The following CALB1 variants were observed in gnomAD, a reference collection of about 807,000 sequenced individuals.
The protein encoded by CALB1 is calbindin 1, also known as calbindin.
Under a neutral mutation model 46.7 loss-of-function variants are expected in CALB1, and 16 were observed. The ratio of observed to expected loss-of-function variants is 0.34; its 90% CI spans 0.23 to 0.52. CALB1 has a LOEUF of 0.52. Ranked by LOEUF, CALB1 falls within the 20% of genes least tolerant of loss-of-function variation. CALB1 has a pLI of 0.95. For synonymous variants in CALB1, 90 were observed against 112.8 expected, an observed-to-expected ratio of 0.80 and a Z score of 1.28; for missense variants, 224 against 300.3, an observed-to-expected ratio of 0.75 and a Z score of 1.88.
intron 5 of CALB1, among the ~76,000 whole-genome samples, chr8:90,068,091 A>T (rs1814432923): frequency 6.6e-6 from 1 of 152,176 alleles, no homozygotes. Context: ...AAATGAGAAG[A>T]ATACTTCCAT....
chr8:90,064,594 T>G (rs1785017566), intron 6 of CALB1: 1 of 151,826 alleles, frequency 6.6e-6, no homozygotes, highest in African/African-American at 2.4e-5. Context: ...AAAGGAGCCT[T>G]TCTTTAAATA....
chr8:90,082,190 G>T, intron 1 of CALB1, 88 bp from the exon 2 acceptor site: 1 of 1,144,844 alleles, frequency 8.7e-7, no homozygotes, highest in Non-Finnish European at 1.3e-6. Flanking sequence ...TCTTTCTGGC[G>T]ACCCGAGAGG....
At chr8:90,080,802 G>T (rs1296888736) in intron 2 of CALB1, among the ~76,000 whole-genome samples, 1 of 151,940 alleles carries the variant, frequency 6.6e-6, no homozygotes, top group Non-Finnish European at 1.5e-5. Context: ...TTTTGAATAT[G>T]CTGTACAGAA....
intron 2 of CALB1, among the ~76,000 whole-genome samples, chr8:90,080,479 T>G (rs1162224400): frequency 6.6e-6 from 1 of 151,992 alleles, no homozygotes; most frequent in East Asian, 1.9e-4. Context: ...TCCAACCTGA[T>G]TTTAAAATAT....
intron 3 of CALB1, among the ~76,000 whole-genome samples, chr8:90,071,529 T>C (rs1296571018): frequency 6.6e-6 from 1 of 152,052 alleles, no homozygotes; most frequent in African/African-American, 2.4e-5. Context: ...TAATAATACT[T>C]TCCTGGAGGG....
chr8:90,082,322 A>G, intron 1 of CALB1: 1 of 603,884 alleles, frequency 1.7e-6, no homozygotes, highest in Non-Finnish European at 2.9e-6. Flanking sequence ...TGCTAAGCGC[A>G]GCCACAGAAA....
intron 3 of CALB1, among the ~76,000 whole-genome samples, chr8:90,077,847 T>C (rs985338088): frequency 6.6e-6 from 1 of 152,142 alleles, no homozygotes; most frequent in African/African-American, 2.4e-5. Context: ...TAAATTATTC[T>C]GTTTTTACGA....
chr8:90,079,801 A>G (rs1238402379), intron 2 of CALB1, among the ~76,000 whole-genome samples: 1 of 152,024 alleles, frequency 6.6e-6, no homozygotes, highest in Non-Finnish European at 1.5e-5. Context: ...GTTATATTTA[A>G]TTAATGTTAT....
chr8:90,067,979 TAGTC>T (rs1456095407), intron 5 of CALB1, among the ~76,000 whole-genome samples: 7 of 152,292 alleles, frequency 4.6e-5, no homozygotes, highest in Admixed American at 2.0e-4. Flanking sequence ...GCCTGACAGA[TAGTC>T]AGTAAATATT....
chr8:90,077,899 A>T (rs1299947208), intron 3 of CALB1, among the ~76,000 whole-genome samples: 1 of 152,114 alleles, frequency 6.6e-6, no homozygotes, highest in African/African-American at 2.4e-5. Context: ...TGCCATGAAA[A>T]ATAAGGACTG....
At chr8:90,061,639 G>A (rs1484743279) in intron 9 of CALB1, 1 of 151,878 alleles carries the variant, frequency 6.6e-6, no homozygotes, top group Non-Finnish European at 1.5e-5. Context: ...AAATACTTAG[G>A]AATAAAGTTA....
intron 3 of CALB1, among the ~76,000 whole-genome samples, chr8:90,071,299 A>C (rs900216510): frequency 6.6e-5 from 10 of 151,842 alleles, no homozygotes; most frequent in Non-Finnish European, 2.9e-5. Context: ...TTTTTTCCTC[A>C]TCTGTAAGTG....
chr8:90,081,384 C>G, intron 2 of CALB1: 1 of 491,664 alleles, frequency 2.0e-6, no homozygotes. Flanking sequence ...TAAATTCTTT[C>G]TCACTGTTAG....
chr8:90,065,260 T>G (rs1814371809), intron 6 of CALB1, among the ~76,000 whole-genome samples: 1 of 151,718 alleles, frequency 6.6e-6, no homozygotes. Flanking sequence ...AGTAAGTGCC[T>G]ATGTGTAAAG....
Position 90,063,458 on chromosome 8 carries a change from T to C in CALB1, c.454A>G (p.Lys152Glu), listed in dbSNP as rs1420803833. The change falls in exon 7 of 11, where the codon AAA (lysine) becomes GAA (glutamate). Residue 152 changes from lysine to glutamate, a missense_variant. Physicochemically the swap from Lys to Glu is moderately conservative, Grantham distance 56. Transcript: ENST00000265431. ...KLAEYTDLML[K>E]LFDSNNDGKL... ...CCATCATTATTTGAATCAAATAGTT[T>C]CAGCTGAAAGACAGAATGCCATTAT... 1 of 1,609,266 alleles carries C rather than the reference T, an allele frequency of 6.2e-7. No homozygotes were observed. Among genetic ancestry groups the C allele is most frequent in the Admixed American group, 1.7e-5 (1 of 59,808 alleles).
chr8:90,063,068 A>G lies in CALB1; in HGVS notation c.600+32T>C, dbSNP rs1814331940. Reference sequence around the variant, plus strand: ...TCTTATGTTGTGTTCTTACTTCAATAAAAAAGAAAGGAAAAAGTAACAAAC... The same window carrying G: ...TCTTATGTTGTGTTCTTACTTCAATGAAAAAGAAAGGAAAAAGTAACAAAC... On this transcript the variant is annotated intron_variant, in intron 9 of 10. Transcript: ENST00000265431. The G allele has an allele frequency of 2.0e-6, 3 of 1,536,188 alleles. No homozygotes were observed. The African/African-American group carries it at 4.1e-5, about 21-fold the overall frequency.
At chr8:90,075,528 T>A (rs1355711957) in intron 3 of CALB1, among the ~76,000 whole-genome samples, 1 of 152,128 alleles carries the variant, frequency 6.6e-6, no homozygotes, top group Non-Finnish European at 1.5e-5. Context: ...TGTATTTGTG[T>A]TCTATATTAT....
At chr8:90,082,584 G>T (rs1399014119) in intron 1 of CALB1, 35 bp downstream of exon 1, 7 of 1,553,356 alleles carry the variant, frequency 4.5e-6, no homozygotes, top group Non-Finnish European at 6.2e-6. Context: ...GCATGGAAAC[G>T]GGTCTTGAAA....
intron 3 of CALB1, among the ~76,000 whole-genome samples, chr8:90,070,839 T>A (rs1363289929): frequency 5.9e-5 from 2 of 34,106 alleles, no homozygotes; most frequent in African/African-American, 1.6e-4. Flanking sequence ...ATCATTGCAG[T>A]GTGTGTGTGT....
Sources: gnomAD v4.1 joint callset for allele counts (sites outside exome capture counted in the v4.1 genomes callset) on GRCh38, gnomAD v4.1.1 for gene constraint, MANE v1.5 for transcripts, NCBI Gene and HGNC (gene_info 2026-07-23, HGNC 2026-07-21) for gene names.